Variants in EYS observed in about 807,000 individuals in gnomAD.
The protein encoded by EYS is protein eyes shut homolog.
In EYS, 250 loss-of-function variants were observed where a neutral mutation model predicts 282.1. That is an observed-to-expected ratio of 0.89 (90% CI 0.80 to 0.98). The LOEUF is 0.98. Ranked by LOEUF, EYS falls within the 50% of genes least tolerant of loss-of-function variation. The pLI, the probability that EYS is intolerant of heterozygous loss-of-function variation, is 0.00. For missense variants in EYS, 4,016 were observed against 3,709.0 expected (o/e 1.08, Z -2.15); for synonymous variants, 1,355 against 1,282.9 (o/e 1.06, Z -1.20).
intron 2 of EYS, among the ~76,000 whole-genome samples, chr6:65,579,686 C>A (rs1764804411): frequency 6.6e-6 from 1 of 152,036 alleles, no homozygotes; most frequent in Non-Finnish European, 1.5e-5. Flanking sequence ...TATAAGGTCA[C>A]CCATTCTATC....
intron 11 of EYS, among the ~76,000 whole-genome samples, chr6:65,326,062 T>C (rs1371997078): frequency 1.3e-5 from 2 of 152,110 alleles, no homozygotes; most frequent in Non-Finnish European, 2.9e-5. Context: ...TGCACTACAT[T>C]GGCTATATTT....
At chr6:65,496,808 C>A (rs542387947) in intron 2 of EYS, among the ~76,000 whole-genome samples, 1 of 152,030 alleles carries the variant, frequency 6.6e-6, no homozygotes, top group Non-Finnish European at 1.5e-5. Flanking sequence ...CTATAAAGAT[C>A]AATTAAATGT....
At chr6:63,979,593 T>C (rs557070477) in intron 35 of EYS, among the ~76,000 whole-genome samples, 44 of 152,058 alleles carry the variant, frequency 2.9e-4, no homozygotes, top group African/African-American at 1.0e-3. Context: ...GATGCTCCTT[T>C]TAATTACTGT....
chr6:64,926,489 T>C (rs1033044581), intron 15 of EYS, among the ~76,000 whole-genome samples: 1 of 152,204 alleles, frequency 6.6e-6, no homozygotes, highest in African/African-American at 2.4e-5. Flanking sequence ...AGAGCTTGGT[T>C]GGGACAAGGA....
At chr6:64,726,725 T>C (rs1460929942) in intron 22 of EYS, among the ~76,000 whole-genome samples, 1 of 152,162 alleles carries the variant, frequency 6.6e-6, no homozygotes, top group Non-Finnish European at 1.5e-5. Flanking sequence ...GTGATAGTAA[T>C]ACATTAAGAT....
At chr6:64,794,125 T>C (rs1774276080) in intron 22 of EYS, among the ~76,000 whole-genome samples, 1 of 152,166 alleles carries the variant, frequency 6.6e-6, no homozygotes, top group Admixed American at 6.5e-5. Context: ...TTATTTCACT[T>C]AGCATAATGT....
At chr6:65,607,388 C>A (rs1166130408) in intron 2 of EYS, among the ~76,000 whole-genome samples, 1 of 151,722 alleles carries the variant, frequency 6.6e-6, no homozygotes, top group Non-Finnish European at 1.5e-5. Context: ...AAGTTTTTTA[C>A]CCTTTGTGCT....
chr6:64,406,700 G>GA (rs1209432868), intron 28 of EYS, among the ~76,000 whole-genome samples: 5 of 152,058 alleles, frequency 3.3e-5, no homozygotes, highest in African/African-American at 1.2e-4. Context: ...CAACTAACAT[G>GA]AAAAAATGCT....
At position 65,482,745 on chromosome 6, in the gene EYS, T is replaced by C. The variant is rs1177173063; in HGVS notation, c.862+7849A>G. ...TATCTGTCCAAAATGGTAGCTGAAG[T>C]TACCATCATTGAATGCCATTGCAAA... On this transcript the variant is annotated intron_variant, in intron 5 of 42. Transcript: ENST00000503581. Among the ~76,000 whole-genome samples, 3 of 152,204 alleles carry C rather than the reference T, an allele frequency of 2.0e-5. No homozygotes were observed. In the East Asian group the frequency reaches 5.8e-4, roughly 29 times the overall value.
intron 12 of EYS, among the ~76,000 whole-genome samples, chr6:65,127,252 T>C (rs770937386): frequency 2.0e-5 from 3 of 152,158 alleles, no homozygotes; most frequent in Admixed American, 6.6e-5. Context: ...AATTTTATAC[T>C]GTAATTTCCC....
At chr6:64,762,594 C>A (rs1583128372) in intron 22 of EYS, among the ~76,000 whole-genome samples, 1 of 152,124 alleles carries the variant, frequency 6.6e-6, no homozygotes, top group African/African-American at 2.4e-5. Context: ...GCTTTCTCCA[C>A]ACAGAGAAGA....
chr6:65,088,289 T>A (rs1401956318), intron 12 of EYS, among the ~76,000 whole-genome samples: 2 of 151,814 alleles, frequency 1.3e-5, no homozygotes, highest in African/African-American at 4.8e-5. Context: ...GTTGGAACAG[T>A]TTGGAGGGGT....
chr6:65,249,495 T>C lies in EYS; in HGVS notation c.2023+46368A>G, dbSNP rs188088935. 1.9e-3 allele frequency among the ~76,000 whole-genome samples: 293 copies of C among 151,820 alleles called. 1 individual carries two copies. Among genetic ancestry groups the C allele is most frequent in the Non-Finnish European group, 2.9e-3 (195 of 67,918 alleles). On this transcript the variant is annotated intron_variant, in intron 12 of 42. Coordinates refer to ENST00000503581, the MANE Select transcript of EYS (RefSeq NM_001142800.2). ...AAGAGTTAGAATTTTATTGGAAAAA[T>C]TCTCACTTAAATAGCAAAAGGCCTA...
At chr6:64,857,572 A>G (rs1447630124) in intron 19 of EYS, among the ~76,000 whole-genome samples, 1 of 152,188 alleles carries the variant, frequency 6.6e-6, no homozygotes, top group African/African-American at 2.4e-5. Flanking sequence ...GAAAATGGAG[A>G]TGCAGATATA....
chr6:65,673,739 C>T (rs1225655827), intron 1 of EYS, among the ~76,000 whole-genome samples: 4 of 151,990 alleles, frequency 2.6e-5, no homozygotes, highest in Non-Finnish European at 5.9e-5. Context: ...CGGTCTGTTA[C>T]TGGACTGTAT....
intron 30 of EYS, among the ~76,000 whole-genome samples, chr6:64,306,334 G>A (rs568256574): frequency 6.6e-5 from 10 of 152,088 alleles, no homozygotes; most frequent in Middle Eastern, 3.4e-3. Context: ...TTACTTCTGC[G>A]TTTCCAATTT....
chr6:65,536,371 C>A (rs1767964760), intron 2 of EYS, among the ~76,000 whole-genome samples: 1 of 148,310 alleles, frequency 6.7e-6, no homozygotes. Context: ...TCTTGAAAAA[C>A]AAATAGAGGA....
intron 37 of EYS, 150 bp downstream of exon 37, chr6:63,806,040 A>T (rs1582225151): frequency 3.1e-6 from 2 of 640,504 alleles, no homozygotes; most frequent in East Asian, 2.8e-5. Context: ...ACTTTGGACT[A>T]CAGCGAACAT....
Position 65,340,647 on chromosome 6 carries a change from T to TAAATACCCTCTACAACTGACTCA in EYS, c.1599+3368_1599+3390dup, listed in dbSNP as rs1770163895. Among the ~76,000 whole-genome samples the TAAATACCCTCTACAACTGACTCA allele has an allele frequency of 5.3e-5, 8 of 151,164 alleles. No homozygotes were observed. In the Admixed American group the frequency reaches 5.3e-4, roughly 10 times the overall value. On this transcript the variant is annotated intron_variant, in intron 10 of 42. Coordinates refer to ENST00000503581, the MANE Select transcript of EYS (RefSeq NM_001142800.2). ...TTCATAAACTCTAACCAATCCCCAC[T>TAAATACCCTCTACAACTGACTCA]AAATACCCTCTACAACTGACTCAAG...
Sources: gnomAD v4.1 joint callset for allele counts (sites outside exome capture counted in the v4.1 genomes callset) on GRCh38, gnomAD v4.1.1 for gene constraint, MANE v1.5 for transcripts, NCBI Gene and HGNC (gene_info 2026-07-23, HGNC 2026-07-21) for gene names.